The following COL18A1 variants were observed in gnomAD, a reference collection of about 807,000 sequenced individuals.
The protein encoded by COL18A1 is collagen alpha-1(XVIII) chain.
In COL18A1, 133 loss-of-function variants were observed where a neutral mutation model predicts 168.0. That is an observed-to-expected ratio of 0.79 (90% confidence interval 0.69 to 0.91). The LOEUF is 0.91. Among genes scored for constraint, COL18A1 ranks in the 40% least tolerant of loss-of-function variants. COL18A1 has a pLI of 0.00. For synonymous variants in COL18A1, 949 were observed against 809.0 expected, an observed-to-expected ratio of 1.17 and a Z score of -2.94; for missense variants, 2,126 against 1,925.4, an observed-to-expected ratio of 1.10 and a Z score of -1.95.
In COL18A1 at chr21:45,479,910, C is replaced by T. The variant is rs183085141; in HGVS notation, c.1257C>T (p.Thr419=). The change falls in exon 10 of 42, where the codon ACC becomes ACT. Residue 419 remains threonine (T), a synonymous_variant. Coordinates refer to ENST00000651438, the MANE Select transcript of COL18A1 (RefSeq NM_001379500.1). ...DPGEDGKPGD[T]GPQGFPGTPG... is the part of the protein sequence containing the mutation. The stretch of plus-strand genomic sequence containing the variant: ...CGGATGTTGTGTTCCAGGGCGACAC[C>T]GGGCCACAAGGCTTCCCCGGGACTC... 9.9e-5 allele frequency: 160 copies of T among 1,613,548 alleles called. No homozygotes were observed. The highest frequency in any genetic ancestry group is 3.3e-4 in the Middle Eastern group (2 of 6,080).
At chr21:45,477,072 G>A (rs1381357582) in intron 6 of COL18A1, among the ~76,000 whole-genome samples, 1 of 152,054 alleles carries the variant, frequency 6.6e-6, no homozygotes, top group Non-Finnish European at 1.5e-5. Context: ...AAGTTAAGAG[G>A]GAAAAAGGAA....
Position 45,509,294 on chromosome 21 carries a change from A to C in COL18A1, c.3250-62A>C, listed in dbSNP as rs2037430257. On this transcript the variant is annotated intron_variant, in intron 38 of 41. Coordinates refer to ENST00000651438, the MANE Select transcript of COL18A1 (RefSeq NM_001379500.1). ...TCTCACCCAGCCCAGAGGAGGACACAGATGGAGGAGGGGCACCCGGAGGGT... is the reference window on the plus strand; with the variant it reads ...TCTCACCCAGCCCAGAGGAGGACACCGATGGAGGAGGGGCACCCGGAGGGT... 62 of 1,532,658 alleles carry C rather than the reference A, an allele frequency of 4.0e-5. 1 individual carries two copies. The South Asian group carries it at 7.4e-4, about 18-fold the overall frequency. The allele number at this position is 1,532,658 out of a possible 1,614,324, so 94.9% of individuals were successfully genotyped here.
In COL18A1 at chr21:45,497,655, C is replaced by A; in HGVS notation, c.2677C>A (p.Pro893Thr). ...CAAAGGAGAAGTGGGCCCCCCCGGACCACCAGGTGAGCAACTCTGGACATC... is the reference window on the plus strand; with the variant it reads ...CAAAGGAGAAGTGGGCCCCCCCGGAACACCAGGTGAGCAACTCTGGACATC... Reference protein sequence around the residue: ...GAKGEVGPPGPPGQFPFDFLQ... With the variant: ...GAKGEVGPPGTPGQFPFDFLQ... Residue 893 changes from proline to threonine, a missense_variant, in exon 32 of 42, where the codon CCA becomes ACA. Pro to Thr is a conservative substitution (Grantham distance 38). Coordinates refer to ENST00000651438, the MANE Select transcript of COL18A1 (RefSeq NM_001379500.1). 1.9e-6 allele frequency: 3 copies of A among 1,567,032 alleles called. No homozygotes were observed. Among genetic ancestry groups the A allele is most frequent in the Non-Finnish European group, 2.6e-6 (3 of 1,156,304 alleles).
In COL18A1 at chr21:45,507,225, G is replaced by A. The variant is rs537973163; in HGVS notation, c.3217-336G>A. 2.2e-4 allele frequency: 62 copies of A among 284,574 alleles called. 2 individuals carry two copies. Among genetic ancestry groups the A allele is most frequent in the South Asian group, 1.4e-3 (40 of 29,622 alleles). 17.6% of individuals were successfully genotyped at this position (284,574 alleles called of 1,614,324 possible). A position where few individuals can be genotyped will look rare whatever the true frequency, so the allele number is the denominator to read the frequency against. On this transcript the variant is annotated intron_variant, in intron 37 of 41. Coordinates refer to ENST00000651438, the MANE Select transcript of COL18A1 (RefSeq NM_001379500.1). ...CACCCTCCTGTGGGCTGGGAGGGCC[G>A]GGTGTTGGGGAGGGAGAGGTGGGTG...
intron 2 of COL18A1, chr21:45,467,534 A>G (rs2145887550): frequency 1.3e-6 from 1 of 770,200 alleles, no homozygotes; most frequent in Non-Finnish European, 1.6e-6. Flanking sequence ...CTGGCCCAGC[A>G]GGTGAGCCGG....
chr21:45,428,750 G>A (rs1173333029), intron 2 of COL18A1, among the ~76,000 whole-genome samples: 4 of 152,118 alleles, frequency 2.6e-5, no homozygotes, highest in Non-Finnish European at 4.4e-5. Flanking sequence ...CAAGCCTCAC[G>A]TTTCCAGGTA....
chr21:45,487,266 C>CG (rs565010849), intron 16 of COL18A1, among the ~76,000 whole-genome samples, 181 bp from the exon 17 acceptor site: 3 of 152,250 alleles, frequency 2.0e-5, no homozygotes, highest in South Asian at 4.1e-4. Flanking sequence ...CGGGCTGCCC[C>CG]GGGGGGGCTC....
At chr21:45,410,158 G>T (rs1318840168) in intron 2 of COL18A1, 2 of 152,176 alleles carry the variant, frequency 1.3e-5, no homozygotes, top group Non-Finnish European at 2.9e-5. Flanking sequence ...TTCTTCCACA[G>T]GAGCCGTGGA....
intron 5 of COL18A1, among the ~76,000 whole-genome samples, chr21:45,475,997 C>T (rs913919014): frequency 6.6e-6 from 1 of 152,186 alleles, no homozygotes; most frequent in South Asian, 2.1e-4. Context: ...GCCCCAGCCG[C>T]GGGACTGAGG....
intron 32 of COL18A1, among the ~76,000 whole-genome samples, chr21:45,500,724 G>A (rs931560763): frequency 5.9e-3 from 113 of 19,058 alleles, no homozygotes; most frequent in East Asian, 0.011. Flanking sequence ...GTGTGGGGGT[G>A]TGGTTTGGTG....
intron 9 of COL18A1, among the ~76,000 whole-genome samples, chr21:45,479,240 CACACACCACACATT>C (rs2035796206): frequency 2.0e-5 from 3 of 151,988 alleles, no homozygotes; most frequent in East Asian, 1.9e-4. Context: ...CAGCACATAT[CACACACCACACATT>C]ACACACCACA....
intron 2 of COL18A1, among the ~76,000 whole-genome samples, chr21:45,439,184 C>T (rs1213491089): frequency 6.6e-6 from 1 of 152,270 alleles, no homozygotes; most frequent in Admixed American, 6.5e-5. Flanking sequence ...GTGCTGTAAT[C>T]AGCAAACGTG....
intron 2 of COL18A1, among the ~76,000 whole-genome samples, chr21:45,418,736 C>A: frequency 6.6e-6 from 1 of 150,448 alleles, no homozygotes. Flanking sequence ...CCTGGGGTCT[C>A]AGGGCAGCGG....
chr21:45,512,663 A>G lies in COL18A1; in HGVS notation c.*265A>G, dbSNP rs557060630. 37 of 546,938 alleles carry G rather than the reference A, an allele frequency of 6.8e-5. 1 individual carries two copies. The Middle Eastern group carries it at 4.5e-3, about 67-fold the overall frequency. The allele number at this position is 546,938 out of a possible 1,614,324, so 33.9% of individuals were successfully genotyped here. On this transcript the variant is annotated 3_prime_UTR_variant, in exon 42 of 42. Transcript: ENST00000651438. ...AGCCCAGCTGGGTCAGGCAGGGTGC[A>G]GTATCATGCCCTGTGCAACCTCTTG...
Position 45,452,885 on chromosome 21 carries a change from CAT to C in COL18A1, c.107-15356_107-15355del, listed in dbSNP as rs751675944. 1.4e-4 allele frequency among the ~76,000 whole-genome samples: 21 copies of C among 151,410 alleles called. No homozygotes were observed. The East Asian group carries it at 2.0e-3, about 14-fold the overall frequency. ...GCTTGTGTATGCATGTGAGTATTCA[CAT>C]GTGACATGTGAGCATGTATGTACAT... On this transcript the variant is annotated intron_variant, in intron 2 of 41. Coordinates refer to ENST00000651438, the MANE Select transcript of COL18A1 (RefSeq NM_001379500.1).
At position 45,509,185 on chromosome 21, in the gene COL18A1, C is replaced by T. The variant is rs948402650; in HGVS notation, c.3250-171C>T. ...CCGGCGCCACGGCAGGCAGGACTCC[C>T]CACCCTTGCTGCTGCCTACACCCCC... On this transcript the variant is annotated intron_variant, in intron 38 of 41. Transcript: ENST00000651438. Among the ~76,000 whole-genome samples the T allele has an allele frequency of 3.3e-5, 5 of 152,046 alleles. No individual in the cohort carries two copies. The East Asian group carries it at 5.8e-4, about 18-fold the overall frequency.
intron 24 of COL18A1, 109 bp from the exon 25 acceptor site, chr21:45,493,054 T>G (rs527890521): frequency 8.6e-7 from 1 of 1,160,728 alleles, no homozygotes; most frequent in African/African-American, 1.5e-5. Context: ...CTGGTCGGGC[T>G]GTCGAGGCAG....
At chr21:45,414,207 C>T (rs1441371161) in intron 2 of COL18A1, among the ~76,000 whole-genome samples, 1 of 152,186 alleles carries the variant, frequency 6.6e-6, no homozygotes, top group Non-Finnish European at 1.5e-5. Context: ...GCTAGGAGGC[C>T]ATGGTGTGCC....
rs901951151 is a variant in COL18A1, at chr21:45,443,597, G to A, written c.107-24645G>A. 6.6e-6 allele frequency among the ~76,000 whole-genome samples: 1 copy of A among 152,222 alleles called. No homozygotes were observed. Among genetic ancestry groups the A allele is most frequent in the African/African-American group, 2.4e-5 (1 of 41,544 alleles). On this transcript the variant is annotated intron_variant, in intron 2 of 41. Transcript: ENST00000651438. This position sits in a 1 kb window ranked among gnomAD's most constrained non-coding sequence, Gnocchi z 5.2. ...TGTGGACTGTGCTGAACTGTTCTCCGACAGGCGGCCCTTTTTCTCCCACGT... is the reference window on the plus strand; with the variant it reads ...TGTGGACTGTGCTGAACTGTTCTCCAACAGGCGGCCCTTTTTCTCCCACGT...
Sources: allele counts gnomAD v4.1 joint callset (sites outside exome capture counted in the v4.1 genomes callset), GRCh38; gene constraint gnomAD v4.1.1; non-coding constraint Gnocchi (gnomAD v3.1); transcripts MANE v1.5; gene names NCBI Gene and HGNC (gene_info 2026-07-23, HGNC 2026-07-21).